The following MEIS2 variants were observed in gnomAD, a reference collection of about 807,000 sequenced individuals.
MEIS2 encodes Meis homeobox 2.
A neutral mutation model predicts 58.6 loss-of-function variants in MEIS2; 9 were observed. The ratio of observed to expected loss-of-function variants is 0.15; its 90% CI spans 0.09 to 0.27. The LOEUF is 0.27. Ranked by LOEUF, MEIS2 falls within the 10% of genes least tolerant of loss-of-function variation. The pLI is 1.00. For missense variants in MEIS2, 427 were observed against 635.0 expected, an observed-to-expected ratio of 0.67 and a Z score of 3.52; for synonymous variants, 221 against 228.4, an observed-to-expected ratio of 0.97 and a Z score of 0.29.
At chr15:36,894,702 C>T (rs2056075686) in intron 11 of MEIS2, 2 of 1,579,398 alleles carry the variant, frequency 1.3e-6, no homozygotes, top group East Asian at 2.2e-5. Context: ...ACAGATCGCA[C>T]CCGACTGTAC....
chr15:36,970,199 C>A (rs1469472592), intron 8 of MEIS2, among the ~76,000 whole-genome samples: 2 of 152,022 alleles, frequency 1.3e-5, no homozygotes, highest in African/African-American at 2.4e-5. Context: ...GTCAGGAGAT[C>A]CGGACCATCC....
chr15:37,073,009 A>G (rs1447074011), intron 7 of MEIS2, among the ~76,000 whole-genome samples: 1 of 152,006 alleles, frequency 6.6e-6, no homozygotes, highest in Non-Finnish European at 1.5e-5. Context: ...AATATTACCA[A>G]CTTGCTGAGG....
intron 7 of MEIS2, among the ~76,000 whole-genome samples, chr15:37,062,912 C>A (rs1889414017): frequency 6.6e-6 from 1 of 152,186 alleles, no homozygotes; most frequent in Non-Finnish European, 1.5e-5. Context: ...AAATGTTCAT[C>A]TTCAAGGATG....
At chr15:37,049,106 C>T (rs1339777913) in intron 7 of MEIS2, among the ~76,000 whole-genome samples, 2 of 152,042 alleles carry the variant, frequency 1.3e-5, no homozygotes, top group Non-Finnish European at 2.9e-5. Context: ...TATTTGAGAC[C>T]AAGCAGATAT....
chr15:36,962,377 A>T (rs953098859), intron 8 of MEIS2, among the ~76,000 whole-genome samples: 2 of 152,192 alleles, frequency 1.3e-5, no homozygotes, highest in Non-Finnish European at 2.9e-5. Context: ...CAGACACCAA[A>T]ATCTGAGGAT....
intron 9 of MEIS2, among the ~76,000 whole-genome samples, chr15:36,914,250 A>G (rs2057171747): frequency 1.3e-5 from 2 of 152,140 alleles, no homozygotes. Context: ...AGGAGAACAC[A>G]GATGATAATA....
intron 7 of MEIS2, 40 bp from the exon 8 acceptor site, chr15:37,036,999 C>A: frequency 1.3e-6 from 2 of 1,566,548 alleles, no homozygotes; most frequent in Non-Finnish European, 1.7e-6. Flanking sequence ...GAAAACATCG[C>A]AAGGTGCCAA....
At chr15:37,002,141 C>G (rs1257403720) in intron 8 of MEIS2, among the ~76,000 whole-genome samples, 4 of 152,076 alleles carry the variant, frequency 2.6e-5, no homozygotes, top group African/African-American at 7.2e-5. Flanking sequence ...ATAGACCTGC[C>G]CTCCCAACAT....
chr15:36,972,212 AG>A (rs1171256889), intron 8 of MEIS2, among the ~76,000 whole-genome samples: 1 of 152,220 alleles, frequency 6.6e-6, no homozygotes, highest in African/African-American at 2.4e-5. Context: ...AGTTATGATA[AG>A]ATGTAGTAGG....
intron 7 of MEIS2, among the ~76,000 whole-genome samples, chr15:37,037,795 G>A (rs945202636): frequency 1.3e-5 from 2 of 152,156 alleles, no homozygotes; most frequent in Admixed American, 6.5e-5. Context: ...AAATTCATAC[G>A]AGCACGTCTT....
intron 9 of MEIS2, among the ~76,000 whole-genome samples, chr15:36,944,774 C>T (rs1184622822): frequency 1.3e-5 from 2 of 151,948 alleles, no homozygotes; most frequent in African/African-American, 4.8e-5. Flanking sequence ...AACAAATGGC[C>T]GCGGTGGAAA....
intron 9 of MEIS2, among the ~76,000 whole-genome samples, chr15:36,930,060 G>A (rs902223066): frequency 4.6e-5 from 7 of 151,958 alleles, no homozygotes; most frequent in African/African-American, 1.2e-4. Context: ...AAAATTAGCC[G>A]ACTGCCATGG....
chr15:37,035,295 T>C (rs1049754945), intron 8 of MEIS2, among the ~76,000 whole-genome samples: 2 of 152,224 alleles, frequency 1.3e-5, no homozygotes, highest in African/African-American at 4.8e-5. Context: ...TGAGGTGATG[T>C]AGCAAAGAAC....
intron 8 of MEIS2, among the ~76,000 whole-genome samples, chr15:36,979,809 T>C (rs2059875164): frequency 6.8e-6 from 1 of 147,532 alleles, no homozygotes; most frequent in Non-Finnish European, 1.5e-5. Flanking sequence ...AATATAGATA[T>C]TATTAGAAAT....
chr15:37,094,128 G>T, intron 5 of MEIS2: 1 of 264,086 alleles, frequency 3.8e-6, no homozygotes, highest in Non-Finnish European at 7.2e-6. Flanking sequence ...GTTTCCAGGG[G>T]AAAGTAATTG....
At chr15:37,092,456 C>T (rs1044427167) in intron 6 of MEIS2, among the ~76,000 whole-genome samples, 9 of 152,010 alleles carry the variant, frequency 5.9e-5, no homozygotes, top group Admixed American at 6.6e-5. Flanking sequence ...TTAACTCACA[C>T]GGAGTGTCAA....
chr15:37,012,431 G>A (rs1183199030), intron 8 of MEIS2, among the ~76,000 whole-genome samples: 1 of 152,152 alleles, frequency 6.6e-6, no homozygotes, highest in Admixed American at 6.5e-5. Flanking sequence ...ATCACTAACT[G>A]AACCTCAGAA....
chr15:36,959,080 C>T (rs1360848374), intron 8 of MEIS2, among the ~76,000 whole-genome samples: 1 of 152,140 alleles, frequency 6.6e-6, no homozygotes, highest in East Asian at 1.9e-4. Context: ...ACTCAAACTT[C>T]TTATTTTATG....
intron 8 of MEIS2, among the ~76,000 whole-genome samples, chr15:36,997,914 C>T (rs566896550): frequency 2.0e-5 from 3 of 152,282 alleles, no homozygotes; most frequent in East Asian, 3.9e-4. Context: ...AAGTGCTGAC[C>T]GAGGTCAGGC....
Sources: gnomAD v4.1 joint callset for allele counts (sites outside exome capture counted in the v4.1 genomes callset) on GRCh38, gnomAD v4.1.1 for gene constraint, MANE v1.5 for transcripts, NCBI Gene and HGNC (gene_info 2026-07-23, HGNC 2026-07-21) for gene names.